Variants in THSD7B observed in about 807,000 individuals in gnomAD.
THSD7B encodes the protein thrombospondin type-1 domain-containing protein 7B.
Under a neutral mutation model 213.6 loss-of-function variants are expected in THSD7B, and 138 were observed. The observed-to-expected ratio is 0.65, with a 90% CI of 0.56 to 0.74. THSD7B has a LOEUF of 0.74. Ranked by LOEUF, THSD7B falls within the 30% of genes least tolerant of loss-of-function variation. The probability of loss-of-function intolerance (pLI) is 0.00; values close to 1 mark genes in which losing one functional copy is unlikely to be tolerated. For synonymous variants in THSD7B, 742 were observed against 687.0 expected (o/e 1.08, Z -1.25); for missense variants, 1,931 against 1,991.5 (o/e 0.97, Z 0.58).
chr2:136,940,552 C>T (rs1444582467), intron 2 of THSD7B, among the ~76,000 whole-genome samples: 2 of 149,902 alleles, frequency 1.3e-5, no homozygotes. Context: ...CAACCACATC[C>T]AGCTAATTTT....
At chr2:136,934,577 C>G (rs1161243131) in intron 2 of THSD7B, among the ~76,000 whole-genome samples, 6 of 152,030 alleles carry the variant, frequency 3.9e-5, no homozygotes, top group African/African-American at 1.4e-4. Flanking sequence ...TTTTGTTTAG[C>G]AAGAGGTTAG....
intron 12 of THSD7B, among the ~76,000 whole-genome samples, chr2:137,337,799 C>A (rs1034635932): frequency 2.6e-5 from 4 of 151,952 alleles, no homozygotes; most frequent in Non-Finnish European, 5.9e-5. Flanking sequence ...TTTATATTGG[C>A]CCAGACTCAT....
intron 17 of THSD7B, among the ~76,000 whole-genome samples, chr2:137,586,244 G>A (rs1297847475): frequency 6.6e-6 from 1 of 152,126 alleles, no homozygotes; most frequent in African/African-American, 2.4e-5. Context: ...CACATGAGAT[G>A]GGTCTCCTGA....
intron 14 of THSD7B, among the ~76,000 whole-genome samples, chr2:137,443,133 A>G (rs1289445192): frequency 6.6e-6 from 1 of 152,126 alleles, no homozygotes; most frequent in Non-Finnish European, 1.5e-5. Context: ...AATATCGTCT[A>G]AGGAAAAAAA....
intron 1 of THSD7B, among the ~76,000 whole-genome samples, chr2:136,815,983 C>T (rs981794302): frequency 6.6e-5 from 10 of 152,150 alleles, no homozygotes; most frequent in Admixed American, 3.3e-4. Context: ...CTCCTGGGCT[C>T]AAGTGATCCT....
intron 15 of THSD7B, among the ~76,000 whole-genome samples, chr2:137,538,189 G>A (rs1303619430): frequency 6.6e-6 from 1 of 151,608 alleles, no homozygotes; most frequent in African/African-American, 2.4e-5. Flanking sequence ...CTTGATCTTA[G>A]GAATCAGCTC....
chr2:137,260,734 C>T (rs1045637794), intron 10 of THSD7B, among the ~76,000 whole-genome samples: 3 of 152,134 alleles, frequency 2.0e-5, no homozygotes, highest in African/African-American at 7.2e-5. Flanking sequence ...CACTGCATTC[C>T]AGCCTAGGTG....
At chr2:137,068,788 T>A (rs968307839) in intron 3 of THSD7B, among the ~76,000 whole-genome samples, 1 of 152,074 alleles carries the variant, frequency 6.6e-6, no homozygotes, top group South Asian at 2.1e-4. Flanking sequence ...TAGGGACAAG[T>A]GGCATTCTGT....
rs967510251 is a variant in THSD7B, at chr2:137,427,527, C to A, written c.2959+15655C>A. Among the ~76,000 whole-genome samples the A allele has an allele frequency of 5.9e-5, 9 of 151,828 alleles. No homozygotes were observed. The South Asian group carries it at 1.9e-3, about 32-fold the overall frequency. The stretch of plus-strand genomic sequence containing the variant: ...ATATTATTCAGTCTGAAAAAAAAAC[C>A]TTGCCATTTGTGGCAATATAGATGA... On this transcript the variant is annotated intron_variant, in intron 14 of 27. Coordinates refer to ENST00000409968, the MANE Select transcript of THSD7B (RefSeq NM_001316349.2).
chr2:137,076,902 G>A (rs1161374997), intron 3 of THSD7B, among the ~76,000 whole-genome samples: 1 of 151,702 alleles, frequency 6.6e-6, no homozygotes, highest in African/African-American at 2.4e-5. Flanking sequence ...GTATACATGT[G>A]CCATGTTGGT....
chr2:137,261,324 A>G (rs1295562311), intron 10 of THSD7B, among the ~76,000 whole-genome samples: 4 of 152,150 alleles, frequency 2.6e-5, no homozygotes, highest in African/African-American at 7.2e-5. Context: ...CATCTAGACG[A>G]AGAAAGAAGA....
rs150082943 is a variant in THSD7B at position 137,299,053 on chromosome 2, A to C, written c.2500+23027A>C. The stretch of plus-strand genomic sequence containing the variant: ...CTATGTGCCTGGAAATGCTGCATGA[A>C]GGCAGCCAGAAGGGAGGCTGTACCC... On this transcript the variant is annotated intron_variant, in intron 12 of 27. Coordinates refer to ENST00000409968, the MANE Select transcript of THSD7B (RefSeq NM_001316349.2). Among the ~76,000 whole-genome samples the C allele has an allele frequency of 7.5e-3, 1,142 of 152,244 alleles. 12 individuals are homozygous for C. Among genetic ancestry groups the C allele is most frequent in the African/African-American group, 0.026 (1,097 of 41,558 alleles).
intron 15 of THSD7B, among the ~76,000 whole-genome samples, chr2:137,477,426 A>T (rs1688216405): frequency 6.6e-6 from 1 of 152,144 alleles, no homozygotes; most frequent in African/African-American, 2.4e-5. Flanking sequence ...TATAGGCAGC[A>T]TATAATTGAG....
intron 2 of THSD7B, among the ~76,000 whole-genome samples, chr2:137,041,994 A>G (rs563443405): frequency 2.2e-4 from 34 of 152,312 alleles, no homozygotes; most frequent in African/African-American, 8.2e-4. Context: ...GTTCTGAATT[A>G]GTTTGTGCCT....
intron 1 of THSD7B, among the ~76,000 whole-genome samples, chr2:136,818,557 A>G (rs1682519772): frequency 6.6e-6 from 1 of 152,182 alleles, no homozygotes; most frequent in Admixed American, 6.5e-5. Context: ...TAAAAAATAA[A>G]TAAATAAAAG....
At chr2:136,780,290 G>C (rs998666429) in intron 1 of THSD7B, among the ~76,000 whole-genome samples, 4 of 152,080 alleles carry the variant, frequency 2.6e-5, no homozygotes, top group African/African-American at 9.7e-5. Flanking sequence ...GAGTAGAAGA[G>C]AGAACCCACT....
At chr2:136,924,652 C>G (rs1040131636) in intron 2 of THSD7B, among the ~76,000 whole-genome samples, 2 of 151,978 alleles carry the variant, frequency 1.3e-5, no homozygotes, top group Non-Finnish European at 2.9e-5. Flanking sequence ...ATTATTTTGG[C>G]TGTGCATGGT....
At chr2:137,580,221 G>T (rs149029025) in intron 17 of THSD7B, among the ~76,000 whole-genome samples, 2 of 151,868 alleles carry the variant, frequency 1.3e-5, no homozygotes, top group African/African-American at 4.8e-5. Flanking sequence ...AAAAATATTC[G>T]CAAGAGTTTT....
At chr2:136,958,206 A>G (rs988675815) in intron 2 of THSD7B, among the ~76,000 whole-genome samples, 5 of 152,222 alleles carry the variant, frequency 3.3e-5, no homozygotes, top group Non-Finnish European at 7.3e-5. Flanking sequence ...CATTTATTTA[A>G]AAAAGCAAAA....
Sources: allele counts gnomAD v4.1 joint callset (sites outside exome capture counted in the v4.1 genomes callset), GRCh38; gene constraint gnomAD v4.1.1; transcripts MANE v1.5; gene names NCBI Gene and HGNC (gene_info 2026-07-23, HGNC 2026-07-21).